SUSD1: variants seen among roughly 807,000 people sequenced by gnomAD.
SUSD1 encodes the protein sushi domain-containing protein 1.
In SUSD1, 65 loss-of-function variants were observed where a neutral mutation model predicts 86.9. The ratio of observed to expected loss-of-function variants is 0.75; its 90% CI spans 0.61 to 0.92. SUSD1 has a LOEUF of 0.92. SUSD1 is among the 40% of genes least tolerant of loss of function. The pLI is 0.00. For synonymous variants in SUSD1, 346 were observed against 350.0 expected (o/e 0.99, Z 0.13); for missense variants, 850 against 929.7 (o/e 0.91, Z 1.11).
At chr9:112,041,708 G>A (rs1827745446) in intron 16 of SUSD1, among the ~76,000 whole-genome samples, 159 bp downstream of exon 16, 1 of 152,074 alleles carries the variant, frequency 6.6e-6, no homozygotes, top group South Asian at 2.1e-4. Context: ...GGAGGTACAG[G>A]GTTAGTCATG....
At chr9:112,052,464 T>C (rs749989422) in intron 14 of SUSD1, 26 bp from the exon 15 acceptor site, 59 of 1,613,612 alleles carry the variant, frequency 3.7e-5, no homozygotes, top group Non-Finnish European at 4.9e-5. Context: ...TAGCAATGCA[T>C]TTAGCTAGGT....
intron 3 of SUSD1, among the ~76,000 whole-genome samples, chr9:112,145,761 G>T (rs1456533416): frequency 3.3e-5 from 5 of 152,096 alleles, no homozygotes; most frequent in Non-Finnish European, 4.4e-5. Flanking sequence ...TGCTGAAGGA[G>T]CCCATCCAAG....
intron 6 of SUSD1, among the ~76,000 whole-genome samples, chr9:112,119,396 G>T (rs917349813): frequency 6.6e-6 from 1 of 152,176 alleles, no homozygotes; most frequent in Admixed American, 6.5e-5. Flanking sequence ...AGCACCCAGT[G>T]GGCTGGAGAA....
At chr9:112,060,469 T>C (rs1427603248) in intron 13 of SUSD1, among the ~76,000 whole-genome samples, 1 of 152,224 alleles carries the variant, frequency 6.6e-6, no homozygotes, top group Non-Finnish European at 1.5e-5. Context: ...TCCACCATGT[T>C]GGCCAGGCTG....
chr9:112,085,018 G>C (rs1450941555), intron 10 of SUSD1, among the ~76,000 whole-genome samples: 1 of 152,100 alleles, frequency 6.6e-6, no homozygotes, highest in East Asian at 1.9e-4. Context: ...TTGTATTATT[G>C]ATCTTTGTCT....
intron 12 of SUSD1, among the ~76,000 whole-genome samples, chr9:112,066,626 T>A (rs1031526135): frequency 2.0e-5 from 3 of 152,208 alleles, no homozygotes; most frequent in Admixed American, 6.5e-5. Context: ...GGACACCTTG[T>A]GCCTGAGATT....
At chr9:112,112,355 C>T (rs1033354951) in intron 7 of SUSD1, among the ~76,000 whole-genome samples, 1 of 152,176 alleles carries the variant, frequency 6.6e-6, no homozygotes, top group Non-Finnish European at 1.5e-5. Context: ...TAGATTGAGG[C>T]CAGGCGCGGT....
intron 15 of SUSD1, among the ~76,000 whole-genome samples, chr9:112,051,408 C>CTTTTTTTTTTTTTTTTTT (rs746946192): frequency 4.9e-4 from 38 of 77,026 alleles, no homozygotes; most frequent in Admixed American, 9.7e-4. Flanking sequence ...TTTTTCTTTT[C>CTTTTTTTTTTTTTTTTTT]TTTTTTTTTT....
chr9:112,132,846 C>CA (rs1445624392), intron 5 of SUSD1, among the ~76,000 whole-genome samples: 5 of 152,224 alleles, frequency 3.3e-5, no homozygotes, highest in African/African-American at 1.2e-4. Context: ...TGTCTACATA[C>CA]AACCATGAAT....
chr9:112,057,716 A>G (rs962815943), intron 14 of SUSD1, among the ~76,000 whole-genome samples: 6 of 152,242 alleles, frequency 3.9e-5, no homozygotes, highest in Non-Finnish European at 5.9e-5. Flanking sequence ...TACACTCAAG[A>G]TGATAACATA....
chr9:112,165,941 A>AG (rs1554777820), intron 1 of SUSD1, among the ~76,000 whole-genome samples: 2 of 75,926 alleles, frequency 2.6e-5, no homozygotes, highest in Admixed American at 1.3e-4. Context: ...AAAGAAAGAA[A>AG]GAAGAAAGAA....
intron 1 of SUSD1, among the ~76,000 whole-genome samples, chr9:112,164,591 C>T (rs779327608): frequency 6.6e-6 from 1 of 151,486 alleles, no homozygotes; most frequent in Non-Finnish European, 1.5e-5. Flanking sequence ...AATATACACA[C>T]CTACTATGTA....
In SUSD1 at chr9:112,041,507, G is replaced by A. The variant is rs370715590; in HGVS notation, c.*-15C>T. Reference sequence around the variant, plus strand: ...CCATCTGCCATCTAGACATGGAGGAGGAAAAGAAAAGAGACAAATATGAAC... The same window carrying A: ...CCATCTGCCATCTAGACATGGAGGAAGAAAAGAAAAGAGACAAATATGAAC... On this transcript the variant is annotated splice_polypyrimidine_tract_variant and intron_variant, in intron 16 of 16. Transcript: ENST00000374270. The A allele has an allele frequency of 3.8e-6, 3 of 780,928 alleles. No individual in the cohort carries two copies. Among genetic ancestry groups the A allele is most frequent in the African/African-American group, 1.7e-5 (1 of 59,126 alleles). 48.4% of individuals were successfully genotyped at this position (780,928 alleles called of 1,614,324 possible).
Position 112,080,101 on chromosome 9 carries a change from C to A in SUSD1, c.1539G>T (p.Lys513Asn), listed in dbSNP as rs759427914. ...NETCLRWRSI[K>N]TADMEEMYLF... ...AATACATCTCCTCCATATCAGCTGTCTTGATGCTTCTCCATCTCAAGCAGG... is the reference window on the plus strand; with the variant it reads ...AATACATCTCCTCCATATCAGCTGTATTGATGCTTCTCCATCTCAAGCAGG... The change falls in exon 11 of 17, where the codon AAG becomes AAT. Residue 513 changes from lysine to asparagine, a missense_variant. Lys to Asn is a moderately conservative substitution (Grantham distance 94, BLOSUM62 0). Coordinates refer to ENST00000374270, the MANE Select transcript of SUSD1 (RefSeq NM_022486.5). The A allele has an allele frequency of 1.5e-5, 24 of 1,613,264 alleles. No individual in the cohort carries two copies. The highest frequency in any genetic ancestry group is 2.0e-5 in the Non-Finnish European group (23 of 1,179,442).
At position 112,125,053 on chromosome 9, in the gene SUSD1, C is replaced by A. The variant is rs182578441; in HGVS notation, c.707-617G>T. ...ATGACATAACCACTCTAGACCCAGC[C>A]AAACTATACTTCACTTAAGAGCCCA... On this transcript the variant is annotated intron_variant, in intron 5 of 16. Coordinates refer to ENST00000374270, the MANE Select transcript of SUSD1 (RefSeq NM_022486.5). Among the ~76,000 whole-genome samples the A allele has an allele frequency of 1.7e-3, 259 of 152,098 alleles. 1 individual carries two copies. Among genetic ancestry groups the A allele is most frequent in the Admixed American group, 3.5e-3 (53 of 15,284 alleles).
chr9:112,049,895 G>A (rs142434845), intron 15 of SUSD1, among the ~76,000 whole-genome samples: 11 of 152,294 alleles, frequency 7.2e-5, no homozygotes, highest in Admixed American at 2.6e-4. Flanking sequence ...GGAAACCAGA[G>A]CACTGCCAAA....
chr9:112,136,577 C>A (rs527700864), intron 5 of SUSD1, among the ~76,000 whole-genome samples: 1 of 152,256 alleles, frequency 6.6e-6, no homozygotes, highest in African/African-American at 2.4e-5. Flanking sequence ...TCACCTGGAA[C>A]ACAGATGGCA....
intron 6 of SUSD1, among the ~76,000 whole-genome samples, chr9:112,117,904 G>C (rs988697869): frequency 6.6e-6 from 1 of 152,176 alleles, no homozygotes; most frequent in Non-Finnish European, 1.5e-5. Context: ...AGTCACCTTG[G>C]TGAGATGCTA....
At chr9:112,127,519 G>A (rs1035963465) in intron 5 of SUSD1, among the ~76,000 whole-genome samples, 39 of 151,040 alleles carry the variant, frequency 2.6e-4, no homozygotes, top group Non-Finnish European at 1.0e-4. Flanking sequence ...GTCCTTCCCC[G>A]TGCCTGATCT....
Sources: gnomAD v4.1 joint callset for allele counts (sites outside exome capture counted in the v4.1 genomes callset) on GRCh38, gnomAD v4.1.1 for gene constraint, MANE v1.5 for transcripts, NCBI Gene and HGNC (gene_info 2026-07-23, HGNC 2026-07-21) for gene names.